GFPT1: variants seen among roughly 807,000 people sequenced by gnomAD.
GFPT1 encodes the protein glutamine--fructose-6-phosphate transaminase 1.
GFPT1 carries 40 observed loss-of-function variants against 92.0 expected under a neutral mutation model. That is an observed-to-expected ratio of 0.43 (90% CI 0.34 to 0.57). The LOEUF (loss-of-function observed/expected upper bound fraction) is 0.57, where lower values mean the gene tolerates loss of function less well. GFPT1 is among the 20% of genes least tolerant of loss of function. The pLI is 0.02. For missense variants in GFPT1, 448 were observed against 869.1 expected, an observed-to-expected ratio of 0.52 and a Z score of 6.09; for synonymous variants, 269 against 280.6, an observed-to-expected ratio of 0.96 and a Z score of 0.41.
At chr2:69,334,564 A>G (rs1357402530) in intron 15 of GFPT1, 1 of 152,222 alleles carries the variant, frequency 6.6e-6, no homozygotes, top group Non-Finnish European at 1.5e-5. Context: ...AATGATACAA[A>G]TAACAACATG....
chr2:69,359,223 G>T (rs1180758151), intron 5 of GFPT1, 45 bp downstream of exon 5: 3 of 982,554 alleles, frequency 3.1e-6, no homozygotes, highest in Admixed American at 3.4e-5. Context: ...GCTCTCGTTA[G>T]AAGTATTCTC....
At position 69,385,418 on chromosome 2, in the gene GFPT1, T is replaced by A. The variant is rs552162433; in HGVS notation, c.7+1647A>T. On this transcript the variant is annotated intron_variant, in intron 1 of 19. Coordinates refer to ENST00000357308, the MANE Select transcript of GFPT1 (RefSeq NM_001244710.2). Reference sequence around the variant, plus strand: ...TTTTGTATTTTTAGTAGACATGGAGTTTCACCACGTTGGCCAGGCTAGTCT... The same window carrying A: ...TTTTGTATTTTTAGTAGACATGGAGATTCACCACGTTGGCCAGGCTAGTCT... Among the ~76,000 whole-genome samples the A allele has an allele frequency of 1.4e-3, 213 of 152,044 alleles. 4 individuals are homozygous for A. The highest frequency in any genetic ancestry group is 3.4e-3 in the Middle Eastern group (1 of 294).
rs560164376 is a variant in GFPT1 at position 69,329,327 on chromosome 2, A to G, written c.1695T>C (p.Tyr565=). The G allele has an allele frequency of 5.0e-6, 8 of 1,613,524 alleles. No individual in the cohort carries two copies. The South Asian group carries it at 5.5e-5, about 11-fold the overall frequency. ...QKSVLIMGRG[Y]HYATCLEGAL... Reference sequence around the variant, plus strand: ...CCCCTTCAAGACAAGTAGCATAATGATAGCCTCGTCCCATTATCAGAACTG... The same window carrying G: ...CCCCTTCAAGACAAGTAGCATAATGGTAGCCTCGTCCCATTATCAGAACTG... Residue 565 remains tyrosine (Y), a synonymous_variant, in exon 17 of 20, where the codon TAT becomes TAC. Transcript: ENST00000357308.
At chr2:69,377,053 C>T (rs1265449840) in intron 1 of GFPT1, among the ~76,000 whole-genome samples, 1 of 151,096 alleles carries the variant, frequency 6.6e-6, no homozygotes, top group Non-Finnish European at 1.5e-5. Flanking sequence ...CACAAAAATA[C>T]CAAAATTAGC....
intron 4 of GFPT1, among the ~76,000 whole-genome samples, chr2:69,360,173 C>T (rs1158376737): frequency 1.3e-5 from 2 of 151,852 alleles, no homozygotes; most frequent in African/African-American, 4.8e-5. Context: ...ACTAAAAATA[C>T]AAAACATTAG....
In GFPT1 at chr2:69,328,400, G is replaced by T; in HGVS notation, c.1764C>A (p.Ile588=). Reference sequence around the variant, plus strand: ...GGCCATGTTTCAATTCACCAGCAAGGATGCCTTCAGAGTGCATATAAGTAA... The same window carrying T: ...GGCCATGTTTCAATTCACCAGCAAGTATGCCTTCAGAGTGCATATAAGTAA... ...KEITYMHSEG[I]LAGELKHGPL... The change falls in exon 18 of 20, where the codon ATC becomes ATA. Residue 588 remains isoleucine, a synonymous_variant. Coordinates refer to ENST00000357308, the MANE Select transcript of GFPT1 (RefSeq NM_001244710.2). 2 of 1,613,274 alleles carry T rather than the reference G, an allele frequency of 1.2e-6. No individual in the cohort carries two copies. Among genetic ancestry groups the T allele is most frequent in the East Asian group, 4.5e-5 (2 of 44,868 alleles).
intron 7 of GFPT1, among the ~76,000 whole-genome samples, chr2:69,356,284 GC>G (rs1195988553): frequency 2.0e-5 from 3 of 152,106 alleles, no homozygotes; most frequent in Admixed American, 6.6e-5. Context: ...GTGAGCCACA[GC>G]GCCCGGCCTG....
Position 69,326,995 on chromosome 2 carries a change from T to A in GFPT1, c.1974A>T (p.Ser658=). Residue 658 remains serine, a synonymous_variant, in exon 19 of 20, where the codon TCA becomes TCT. Transcript: ENST00000357308. ...TGAGAATGCCCTGCAAGCAGTCCAC[T>A]GAGTGGGGCACCTTGATCGTTCTTT... ...NTKRTIKVPH[S]VDCLQGILSV... 6.2e-7 allele frequency: 1 copy of A among 1,614,164 alleles called. No individual in the cohort carries two copies. The highest frequency in any genetic ancestry group is 8.5e-7 in the Non-Finnish European group (1 of 1,179,968).
intron 1 of GFPT1, among the ~76,000 whole-genome samples, chr2:69,381,510 T>C (rs927017379): frequency 6.6e-6 from 1 of 151,834 alleles, no homozygotes; most frequent in Non-Finnish European, 1.5e-5. Flanking sequence ...AAGAGAGACA[T>C]ATTACACATA....
chr2:69,326,058 T>C lies in GFPT1; in HGVS notation c.*131A>G, dbSNP rs942341624. On this transcript the variant is annotated 3_prime_UTR_variant, in exon 20 of 20. Coordinates refer to ENST00000357308, the MANE Select transcript of GFPT1 (RefSeq NM_001244710.2). ...AATCACATATTGAGTGGAATAATTATAACTGATATATAAATAAGGATTTAC... is the reference window on the plus strand; with the variant it reads ...AATCACATATTGAGTGGAATAATTACAACTGATATATAAATAAGGATTTAC... 2 of 646,648 alleles carry C rather than the reference T, an allele frequency of 3.1e-6. No homozygotes were observed. The highest frequency in any genetic ancestry group is 5.5e-6 in the Non-Finnish European group (2 of 365,032). 40.1% of individuals were successfully genotyped at this position (646,648 alleles called of 1,614,324 possible).
At chr2:69,385,168 C>T (rs915204930) in intron 1 of GFPT1, among the ~76,000 whole-genome samples, 1 of 152,150 alleles carries the variant, frequency 6.6e-6, no homozygotes, top group South Asian at 2.1e-4. Flanking sequence ...TTAGTCTCCA[C>T]CCTAAAGGTA....
intron 15 of GFPT1, among the ~76,000 whole-genome samples, chr2:69,337,046 T>C (rs1670817495): frequency 6.7e-6 from 1 of 149,236 alleles, no homozygotes; most frequent in Non-Finnish European, 1.5e-5. Flanking sequence ...TTTTTTTTAA[T>C]TGCCAAATTT....
chr2:69,358,865 C>G (rs1023105065), intron 5 of GFPT1, among the ~76,000 whole-genome samples: 25 of 152,206 alleles, frequency 1.6e-4, no homozygotes, highest in Admixed American at 1.6e-3. Context: ...AGCACTCATG[C>G]AGGTCAGCAC....
At position 69,325,212 on chromosome 2, in the gene GFPT1, A is replaced by G. The variant is rs182921837; in HGVS notation, c.*977T>C. Reference sequence around the variant, plus strand: ...CTAGTTTTATGCAACAATGTAATGAAGGAAAGTTAAAATTAACTACAGGAA... The same window carrying G: ...CTAGTTTTATGCAACAATGTAATGAGGGAAAGTTAAAATTAACTACAGGAA... On this transcript the variant is annotated 3_prime_UTR_variant, in exon 20 of 20. Coordinates refer to ENST00000357308, the MANE Select transcript of GFPT1 (RefSeq NM_001244710.2). 29 of 152,332 alleles carry G rather than the reference A, an allele frequency of 1.9e-4. No individual in the cohort carries two copies. The East Asian group carries it at 4.2e-3, about 22-fold the overall frequency. 9.4% of individuals were successfully genotyped at this position (152,332 alleles called of 1,614,324 possible).
At chr2:69,372,447 G>A (rs535747087) in intron 2 of GFPT1, among the ~76,000 whole-genome samples, 3 of 152,076 alleles carry the variant, frequency 2.0e-5, no homozygotes, top group Non-Finnish European at 4.4e-5. Flanking sequence ...GTGCATGCCT[G>A]TTATCCCAGC....
chr2:69,376,402 T>A (rs772680431), intron 1 of GFPT1, among the ~76,000 whole-genome samples: 1 of 151,924 alleles, frequency 6.6e-6, no homozygotes, highest in Non-Finnish European at 1.5e-5. Context: ...TCCAGCTACT[T>A]GGTAGGCTGA....
At chr2:69,370,510 G>C (rs941830574) in intron 2 of GFPT1, among the ~76,000 whole-genome samples, 1 of 152,158 alleles carries the variant, frequency 6.6e-6, no homozygotes, top group South Asian at 2.1e-4. Flanking sequence ...AGTTGCTAAG[G>C]AATTTGAAAA....
chr2:69,325,277 A>G lies in GFPT1; in HGVS notation c.*912T>C, dbSNP rs1670501010. The G allele has an allele frequency of 1.3e-5, 2 of 152,192 alleles. No individual in the cohort carries two copies. Among genetic ancestry groups the G allele is most frequent in the African/African-American group, 4.8e-5 (2 of 41,462 alleles). 9.4% of individuals were successfully genotyped at this position (152,192 alleles called of 1,614,324 possible). A position where few individuals can be genotyped will look rare whatever the true frequency, so the allele number is the denominator to read the frequency against. On this transcript the variant is annotated 3_prime_UTR_variant, in exon 20 of 20. Coordinates refer to ENST00000357308, the MANE Select transcript of GFPT1 (RefSeq NM_001244710.2). Reference sequence around the variant, plus strand: ...CAAAGTTGAAGAGAATACTGAATATATCAATATTAATTTAATAGCAGCTCT... The same window carrying G: ...CAAAGTTGAAGAGAATACTGAATATGTCAATATTAATTTAATAGCAGCTCT...
intron 9 of GFPT1, among the ~76,000 whole-genome samples, chr2:69,350,719 A>G (rs1034006553): frequency 6.6e-6 from 1 of 152,108 alleles, no homozygotes; most frequent in South Asian, 2.1e-4. Flanking sequence ...CCTGGTCAAC[A>G]TGGCGAAACC....
Sources: gnomAD v4.1 joint callset for allele counts (sites outside exome capture counted in the v4.1 genomes callset) on GRCh38, gnomAD v4.1.1 for gene constraint, MANE v1.5 for transcripts, NCBI Gene and HGNC (gene_info 2026-07-23, HGNC 2026-07-21) for gene names.